The following ADGRB1 variants were observed in gnomAD, a reference collection of about 807,000 sequenced individuals.
ADGRB1 encodes brain-specific angiogenesis inhibitor 1.
Under a neutral mutation model 175.7 loss-of-function variants are expected in ADGRB1, and 36 were observed. That is an observed-to-expected ratio of 0.20 (90% CI 0.16 to 0.27). The LOEUF (loss-of-function observed/expected upper bound fraction) is 0.27, where lower values mean the gene tolerates loss of function less well. Among genes scored for constraint, ADGRB1 ranks in the 10% least tolerant of loss-of-function variants. The pLI, the probability that ADGRB1 is intolerant of heterozygous loss-of-function variation, is 1.00. For synonymous variants in ADGRB1, 1,054 were observed against 979.4 expected, an observed-to-expected ratio of 1.08 and a Z score of -1.42; for missense variants, 1,731 against 2,255.3, an observed-to-expected ratio of 0.77 and a Z score of 4.71.
chr8:142,540,680 G>A (rs950491585), intron 27 of ADGRB1, among the ~76,000 whole-genome samples: 4 of 152,174 alleles, frequency 2.6e-5, no homozygotes, highest in African/African-American at 4.8e-5. Context: ...AGTGTGAGGT[G>A]TGTGGGAGGT....
chr8:142,539,782 TC>T (rs1224378118), intron 27 of ADGRB1: 2,989 of 329,598 alleles, frequency 9.1e-3, no homozygotes, highest in Middle Eastern at 0.013. Context: ...CTAGTGCCGC[TC>T]CCCCCCCCTG....
intron 24 of ADGRB1, among the ~76,000 whole-genome samples, chr8:142,527,533 G>A (rs1844280144): frequency 6.6e-6 from 1 of 152,034 alleles, no homozygotes; most frequent in African/African-American, 2.4e-5. Flanking sequence ...CTGATGCTGA[G>A]TGCGTGCCAT....
chr8:142,536,659 C>T (rs910436486), intron 25 of ADGRB1, among the ~76,000 whole-genome samples: 1 of 151,948 alleles, frequency 6.6e-6, no homozygotes, highest in Non-Finnish European at 1.5e-5. Context: ...CCAGGGACAT[C>T]TTCGGCCCGC....
chr8:142,450,981 G>A (rs967614853), intron 1 of ADGRB1, among the ~76,000 whole-genome samples: 2 of 152,130 alleles, frequency 1.3e-5, no homozygotes, highest in African/African-American at 4.8e-5. Context: ...AGCAGAGGCC[G>A]CCGGCCCTCC....
chr8:142,493,692 T>A lies in ADGRB1; in HGVS notation c.2675+2877T>A, dbSNP rs2131903035. On this transcript the variant is annotated intron_variant, in intron 17 of 30. Transcript: ENST00000517894. This position sits in a 1 kb window ranked among gnomAD's most constrained non-coding sequence, Gnocchi z 5.0. ...TGAGGAGCTGAGGCCCTGAGACTCC[T>A]ACAGTCCCGCTGAAAGCACAGCGCA... is the stretch of plus-strand genomic sequence containing the variant. Among the ~76,000 whole-genome samples the A allele has an allele frequency of 6.6e-6, 1 of 152,356 alleles. No individual in the cohort carries two copies. The highest frequency in any genetic ancestry group is 1.5e-5 in the Non-Finnish European group (1 of 68,030).
chr8:142,496,028 G>A (rs1231537829), intron 17 of ADGRB1, among the ~76,000 whole-genome samples: 1 of 151,798 alleles, frequency 6.6e-6, no homozygotes, highest in Admixed American at 6.6e-5. Context: ...ATAGGTGAAT[G>A]GGTGGATGGA....
At chr8:142,488,581 C>A in intron 14 of ADGRB1, 74 bp downstream of exon 14, 1 of 1,560,562 alleles carries the variant, frequency 6.4e-7, no homozygotes, top group Non-Finnish European at 8.7e-7. Flanking sequence ...CACCACCCTT[C>A]TGGAGTCTAG....
At chr8:142,513,102 G>A (rs1044685064) in intron 18 of ADGRB1, among the ~76,000 whole-genome samples, 7 of 152,236 alleles carry the variant, frequency 4.6e-5, no homozygotes, top group African/African-American at 1.7e-4. Flanking sequence ...CAGGATGCCA[G>A]CAGGCATGTT....
chr8:142,516,040 T>C (rs1224355368), intron 18 of ADGRB1, among the ~76,000 whole-genome samples: 1 of 152,214 alleles, frequency 6.6e-6, no homozygotes, highest in East Asian at 1.9e-4. Context: ...AGGCGACTCT[T>C]GTTCCAGGGA....
At chr8:142,506,903 A>G (rs1433541654) in intron 17 of ADGRB1, among the ~76,000 whole-genome samples, 1 of 152,172 alleles carries the variant, frequency 6.6e-6, no homozygotes, top group Non-Finnish European at 1.5e-5. Context: ...GGAAACCTGC[A>G]TTGGCTGAGT....
At chr8:142,478,094 G>T in intron 6 of ADGRB1, 93 bp from the exon 7 acceptor site, 1 of 1,503,420 alleles carries the variant, frequency 6.7e-7, no homozygotes, top group Non-Finnish European at 9.0e-7. Context: ...TGGGTGTGGG[G>T]TGGTAGCACC....
intron 17 of ADGRB1, among the ~76,000 whole-genome samples, chr8:142,500,199 ACACCGCTCCTCCACTTCCCCC>A (rs1842423284): frequency 1.1e-5 from 1 of 93,046 alleles, no homozygotes; most frequent in Non-Finnish European, 2.2e-5. Flanking sequence ...CCCCCGCCCC[ACACCGCTCCTCCACTTCCCCC>A]CGCGCCGCTC....
At chr8:142,501,030 T>C (rs1413658885) in intron 17 of ADGRB1, among the ~76,000 whole-genome samples, 1 of 151,996 alleles carries the variant, frequency 6.6e-6, no homozygotes, top group East Asian at 1.9e-4. Context: ...GATAAACACT[T>C]GTTGTCGAAT....
In ADGRB1 at chr8:142,543,413, C is replaced by G. The variant is rs769164097; in HGVS notation, c.4424C>G (p.Ser1475Trp). The change falls in exon 29 of 31, where the codon TCG becomes TGG. Residue 1475 changes from serine to tryptophan, a missense_variant. Ser to Trp is a radical substitution (Grantham distance 177, BLOSUM62 -3). Transcript: ENST00000517894. The surrounding 1 kb of genome is among the most constrained non-coding windows in gnomAD (Gnocchi z 4.4). Reference protein sequence around the residue: ...LSVSSLERRKSRYAELDFEKI... With the variant: ...LSVSSLERRKWRYAELDFEKI... ...CCCTTCTCCCTGCAGCGGCGGAAGT[C>G]GCGGTATGCAGAACTGGACTTTGAG... 2 of 1,613,770 alleles carry G rather than the reference C, an allele frequency of 1.2e-6. No individual in the cohort carries two copies. Among genetic ancestry groups the G allele is most frequent in the Admixed American group, 1.7e-5 (1 of 60,002 alleles).
Position 142,477,258 on chromosome 8 carries a change from A to G in ADGRB1, c.1202A>G (p.Asn401Ser). 6.3e-7 allele frequency: 1 copy of G among 1,579,740 alleles called. No individual in the cohort carries two copies. Residue 401 changes from asparagine (N) to serine (S), a missense_variant, in exon 5 of 31, where the codon AAC becomes AGC. This residue lies in a region of ADGRB1 where 178 missense variants were observed against 227.8 expected (regional missense o/e 0.78). Coordinates refer to ENST00000517894, the MANE Select transcript of ADGRB1 (RefSeq NM_001702.3). ...CCCCTGCGCGAGCAGCGGCTGTGCAACAACTCTGCCGTGTGCCCAGGTGGG... is the reference window on the plus strand; with the variant it reads ...CCCCTGCGCGAGCAGCGGCTGTGCAGCAACTCTGCCGTGTGCCCAGGTGGG... Reference protein sequence around the residue: ...SGPLREQRLCNNSAVCPVHGA... With the variant: ...SGPLREQRLCSNSAVCPVHGA...
chr8:142,464,677 C>G lies in ADGRB1; in HGVS notation c.479C>G (p.Ala160Gly). 6.6e-7 allele frequency: 1 copy of G among 1,524,588 alleles called. No individual in the cohort carries two copies. The highest frequency in any genetic ancestry group is 8.8e-7 in the Non-Finnish European group (1 of 1,141,792). 94.4% of individuals were successfully genotyped at this position (1,524,588 alleles called of 1,614,324 possible). A position where few individuals can be genotyped will look rare whatever the true frequency, so the allele number is the denominator to read the frequency against. Residue 160 changes from alanine (A) to glycine (G), a missense_variant, in exon 2 of 31, where the codon GCC becomes GGC. By Grantham distance (60) the Ala-to-Gly change is moderately conservative. Coordinates refer to ENST00000517894, the MANE Select transcript of ADGRB1 (RefSeq NM_001702.3). ...CAGCACGACGGGCTCCGGCCCCGGG[C>G]CGGGCCGCCGGGCCCCACCGACGAC... ...PPQHDGLRPR[A>G]GPPGPTDDFS...
intron 24 of ADGRB1, 33 bp from the exon 25 acceptor site, chr8:142,533,262 G>A (rs13269567): frequency 0.39 from 564,094 of 1,455,260 alleles, 113,134 homozygotes; most frequent in East Asian, 0.7. Context: ...GGGCAGGGGC[G>A]GGGGCGGCAG....
At chr8:142,484,874 T>G in intron 13 of ADGRB1, 110 bp downstream of exon 13, 1 of 811,808 alleles carries the variant, frequency 1.2e-6, no homozygotes, top group Admixed American at 2.5e-5. Context: ...CCAGACAGCC[T>G]TTGTGGGCCC....
intron 2 of ADGRB1, among the ~76,000 whole-genome samples, chr8:142,469,819 C>T (rs1840551040): frequency 6.6e-6 from 1 of 152,106 alleles, no homozygotes; most frequent in African/African-American, 2.4e-5. Flanking sequence ...GATGGGGTGG[C>T]ATGAGGACCA....
Sources: allele counts gnomAD v4.1 joint callset (sites outside exome capture counted in the v4.1 genomes callset), GRCh38; gene constraint gnomAD v4.1.1; regional missense constraint gnomAD v4.1.1; non-coding constraint Gnocchi (gnomAD v3.1); transcripts MANE v1.5; gene names NCBI Gene and HGNC (gene_info 2026-07-23, HGNC 2026-07-21).